The following CPPED1 variants were observed in gnomAD, a reference collection of about 807,000 sequenced individuals.
CPPED1 encodes the protein serine/threonine-protein phosphatase CPPED1.
A neutral mutation model predicts 28.0 loss-of-function variants in CPPED1; 28 were observed. The ratio of observed to expected loss-of-function variants is 1.00; its 90% CI spans 0.74 to 1.37. The LOEUF (loss-of-function observed/expected upper bound fraction) is 1.37. Ranked by LOEUF, CPPED1 falls within the 40% of genes most tolerant of loss-of-function variation. The probability of loss-of-function intolerance (pLI) is 0.00; values close to 1 mark genes in which losing one functional copy is unlikely to be tolerated. For synonymous variants in CPPED1, 198 were observed against 180.2 expected (o/e 1.10, Z -0.79); for missense variants, 504 against 416.5 (o/e 1.21, Z -1.83).
At chr16:12,708,113 C>G (rs182495710) in intron 2 of CPPED1, among the ~76,000 whole-genome samples, 2 of 152,240 alleles carry the variant, frequency 1.3e-5, no homozygotes, top group East Asian at 3.9e-4. Context: ...TGCCACTGCA[C>G]TCCAGCCTGG....
chr16:12,802,744 A>C (rs970859490), intron 1 of CPPED1, among the ~76,000 whole-genome samples: 1 of 152,234 alleles, frequency 6.6e-6, no homozygotes, highest in African/African-American at 2.4e-5. Flanking sequence ...CCTGCTAAAG[A>C]AGCAGAAAAC....
chr16:12,733,490 GT>G (rs2080210209), intron 2 of CPPED1, among the ~76,000 whole-genome samples: 1 of 152,120 alleles, frequency 6.6e-6, no homozygotes, highest in African/African-American at 2.4e-5. Flanking sequence ...GGCCAGGCTG[GT>G]CTTGAACTTG....
At chr16:12,692,105 C>T (rs977351627) in intron 3 of CPPED1, among the ~76,000 whole-genome samples, 1 of 152,096 alleles carries the variant, frequency 6.6e-6, no homozygotes, top group Non-Finnish European at 1.5e-5. Context: ...CTGCCTGCCT[C>T]GGCCTCCCAA....
intron 1 of CPPED1, among the ~76,000 whole-genome samples, chr16:12,782,988 A>G (rs1267882008): frequency 6.6e-6 from 1 of 152,166 alleles, no homozygotes; most frequent in East Asian, 1.9e-4. Flanking sequence ...GTTCACGTCC[A>G]TGTGTTTGAT....
At chr16:12,763,028 A>C (rs751758617) in intron 2 of CPPED1, among the ~76,000 whole-genome samples, 3 of 152,116 alleles carry the variant, frequency 2.0e-5, no homozygotes, top group Non-Finnish European at 4.4e-5. Flanking sequence ...TGGGAGTTCA[A>C]GACCAGCCTG....
chr16:12,795,578 G>A (rs745655752), intron 1 of CPPED1, among the ~76,000 whole-genome samples: 8 of 152,030 alleles, frequency 5.3e-5, no homozygotes, highest in South Asian at 2.1e-4. Flanking sequence ...GACCTCAAGC[G>A]ATCCACTCGC....
At chr16:12,800,259 C>T (rs182289772) in intron 1 of CPPED1, among the ~76,000 whole-genome samples, 14 of 152,142 alleles carry the variant, frequency 9.2e-5, no homozygotes, top group Admixed American at 3.3e-4. Flanking sequence ...GCCAACATGG[C>T]GAAACCCTGT....
chr16:12,662,487 C>T lies in CPPED1; in HGVS notation c.*2399G>A, dbSNP rs763152316. ...GTCCAGGCTTTTCCTGCAACCAACA[C>T]CAGAAAAGTGTACACTGTACCCATC... On this transcript the variant is annotated 3_prime_UTR_variant, in exon 4 of 4. Transcript: ENST00000381774. The T allele has an allele frequency of 6.6e-6, 1 of 152,210 alleles. No homozygotes were observed. Among genetic ancestry groups the T allele is most frequent in the Admixed American group, 6.5e-5 (1 of 15,284 alleles). 9.4% of individuals were successfully genotyped at this position (152,210 alleles called of 1,614,324 possible). A position where few individuals can be genotyped will look rare whatever the true frequency, so the allele number is the denominator to read the frequency against.
At chr16:12,680,232 G>A (rs1271026510) in intron 3 of CPPED1, among the ~76,000 whole-genome samples, 1 of 152,134 alleles carries the variant, frequency 6.6e-6, no homozygotes, top group African/African-American at 2.4e-5. Context: ...CCTATGAATA[G>A]GGTATATAAG....
chr16:12,733,494 T>C (rs112087328), intron 2 of CPPED1, among the ~76,000 whole-genome samples: 151 of 152,222 alleles, frequency 9.9e-4, no homozygotes, highest in African/African-American at 3.4e-3. Context: ...AGGCTGGTCT[T>C]GAACTTGTGA....
At chr16:12,707,197 T>C (rs573617468) in intron 2 of CPPED1, among the ~76,000 whole-genome samples, 24 of 152,222 alleles carry the variant, frequency 1.6e-4, no homozygotes, top group Admixed American at 2.6e-4. Flanking sequence ...GCTGATTCAT[T>C]ACCACTTTCC....
intron 2 of CPPED1, among the ~76,000 whole-genome samples, chr16:12,760,050 G>A (rs2141225957): frequency 6.6e-6 from 1 of 152,296 alleles, no homozygotes; most frequent in African/African-American, 2.4e-5. Flanking sequence ...CACGTCTGTG[G>A]ATTCAACTGC....
chr16:12,790,918 CAAAAAAAAA>C (rs538022826), intron 1 of CPPED1, among the ~76,000 whole-genome samples: 1 of 63,290 alleles, frequency 1.6e-5, no homozygotes, highest in East Asian at 4.8e-4. Flanking sequence ...GACTCTATCT[CAAAAAAAAA>C]AAAAAAAAAA....
At chr16:12,797,765 GA>G (rs932974987) in intron 1 of CPPED1, among the ~76,000 whole-genome samples, 10 of 152,142 alleles carry the variant, frequency 6.6e-5, no homozygotes, top group African/African-American at 2.2e-4. Flanking sequence ...TTTGTGCTGG[GA>G]CACATTCAAA....
rs1466695669 is a variant in CPPED1 at position 12,709,200 on chromosome 16, C to G, written c.290-4151G>C. Among the ~76,000 whole-genome samples the G allele has an allele frequency of 6.6e-6, 1 of 152,064 alleles. No homozygotes were observed. The highest frequency in any genetic ancestry group is 6.6e-5 in the Admixed American group (1 of 15,258). On this transcript the variant is annotated intron_variant, in intron 2 of 3. Transcript: ENST00000381774. The surrounding 1 kb of genome is among the most constrained non-coding windows in gnomAD (Gnocchi z 4.4). ...GCTTCAATGAGTTTCCTGTCTCACG[C>G]AGGGTTCTATGTTCACAAAAAGAAT... is the stretch of plus-strand genomic sequence containing the variant.
At chr16:12,740,014 G>C (rs1004951081) in intron 2 of CPPED1, among the ~76,000 whole-genome samples, 3 of 144,362 alleles carry the variant, frequency 2.1e-5, no homozygotes, top group African/African-American at 8.0e-5. Flanking sequence ...TATGTGGAAA[G>C]AAAGACGAAA....
At chr16:12,675,174 C>T (rs969653742) in intron 3 of CPPED1, among the ~76,000 whole-genome samples, 21 of 152,188 alleles carry the variant, frequency 1.4e-4, no homozygotes, top group Admixed American at 9.2e-4. Context: ...GTTTCCCTGA[C>T]GGGGTATTGA....
At chr16:12,764,737 T>C (rs971872758) in intron 2 of CPPED1, among the ~76,000 whole-genome samples, 1 of 152,202 alleles carries the variant, frequency 6.6e-6, no homozygotes, top group African/African-American at 2.4e-5. Flanking sequence ...TCCCACCCTC[T>C]TGGGTATCAC....
chr16:12,770,219 G>A (rs559233445), intron 2 of CPPED1, among the ~76,000 whole-genome samples: 27 of 152,276 alleles, frequency 1.8e-4, no homozygotes, highest in African/African-American at 6.3e-4. Flanking sequence ...ACGGCCTGGT[G>A]TGCTCTCAGT....
Sources: gnomAD v4.1 joint callset for allele counts (sites outside exome capture counted in the v4.1 genomes callset) on GRCh38, gnomAD v4.1.1 for gene constraint, Gnocchi (gnomAD v3.1) non-coding constraint, MANE v1.5 for transcripts, NCBI Gene and HGNC (gene_info 2026-07-23, HGNC 2026-07-21) for gene names.